The following AGBL3 variants were observed in gnomAD, a reference collection of about 807,000 sequenced individuals.
The protein encoded by AGBL3 is AGBL carboxypeptidase 3.
A neutral mutation model predicts 94.5 loss-of-function variants in AGBL3; 68 were observed. The observed-to-expected ratio is 0.72, with a 90% CI of 0.59 to 0.88. The LOEUF is 0.88. AGBL3 is among the 40% of genes least tolerant of loss of function. The pLI, the probability that AGBL3 is intolerant of heterozygous loss-of-function variation, is 0.00. For synonymous variants in AGBL3, 354 were observed against 370.7 expected (o/e 0.95, Z 0.52); for missense variants, 934 against 1,103.8 (o/e 0.85, Z 2.18).
chr7:135,123,963 C>T (rs1191405594), intron 16 of AGBL3, among the ~76,000 whole-genome samples: 1 of 152,124 alleles, frequency 6.6e-6, no homozygotes, highest in East Asian at 1.9e-4. Flanking sequence ...AGACCAATGA[C>T]ACTATGAAGA....
intron 15 of AGBL3, among the ~76,000 whole-genome samples, chr7:135,086,906 A>T (rs1332737932): frequency 6.6e-6 from 1 of 152,030 alleles, no homozygotes; most frequent in East Asian, 1.9e-4. Context: ...TTTCTAAAAG[A>T]GTTTGAGAAG....
chr7:135,128,182 C>A (rs1828165378), intron 16 of AGBL3, among the ~76,000 whole-genome samples: 1 of 149,298 alleles, frequency 6.7e-6, no homozygotes, highest in African/African-American at 2.5e-5. Context: ...GTCCCAGCTA[C>A]TCGGGAGGCT....
At chr7:135,105,990 T>C (rs976155445) in intron 15 of AGBL3, among the ~76,000 whole-genome samples, 3 of 152,184 alleles carry the variant, frequency 2.0e-5, no homozygotes, top group Admixed American at 2.0e-4. Flanking sequence ...TTTATTCTTC[T>C]TGTGGCTATT....
chr7:135,024,961 ATG>A (rs2116336842), intron 5 of AGBL3, among the ~76,000 whole-genome samples: 1 of 151,748 alleles, frequency 6.6e-6, no homozygotes, highest in African/African-American at 2.4e-5. Flanking sequence ...TTTGAGAAAT[ATG>A]AGATTATGTA....
At chr7:135,070,672 A>T (rs1290059168) in intron 12 of AGBL3, among the ~76,000 whole-genome samples, 2 of 152,106 alleles carry the variant, frequency 1.3e-5, no homozygotes, top group Non-Finnish European at 2.9e-5. Context: ...ACAAAATTCG[A>T]CAATGCTTCA....
intron 16 of AGBL3, 153 bp downstream of exon 16, chr7:135,115,764 G>A: frequency 1.7e-6 from 1 of 595,950 alleles, no homozygotes; most frequent in Non-Finnish European, 2.9e-6. Flanking sequence ...ACCCAAAGCT[G>A]TCAGAAAACA....
At chr7:135,045,954 T>C (rs1347467332) in intron 11 of AGBL3, 43 bp downstream of exon 11, 9 of 1,253,024 alleles carry the variant, frequency 7.2e-6, no homozygotes, top group Admixed American at 6.7e-5. Flanking sequence ...TTGTGCTGTT[T>C]TACTATGTTC....
intron 4 of AGBL3, among the ~76,000 whole-genome samples, chr7:135,006,660 C>G: frequency 6.6e-6 from 1 of 151,884 alleles, no homozygotes; most frequent in Non-Finnish European, 1.5e-5. Flanking sequence ...AGTGGCTCCT[C>G]AGCACAACTT....
At chr7:135,046,748 A>T (rs1449310980) in intron 11 of AGBL3, among the ~76,000 whole-genome samples, 1 of 152,022 alleles carries the variant, frequency 6.6e-6, no homozygotes, top group Non-Finnish European at 1.5e-5. Flanking sequence ...GTTGCCTCCA[A>T]GTTTTGGCAA....
chr7:135,031,583 T>A (rs529116201), intron 5 of AGBL3, among the ~76,000 whole-genome samples: 1 of 152,202 alleles, frequency 6.6e-6, no homozygotes, highest in South Asian at 2.1e-4. Flanking sequence ...AAACATTACG[T>A]TGAATTTTGT....
intron 4 of AGBL3, among the ~76,000 whole-genome samples, chr7:135,009,132 C>T (rs1187260145): frequency 6.6e-6 from 1 of 152,084 alleles, no homozygotes; most frequent in African/African-American, 2.4e-5. Context: ...TAGGTATGTA[C>T]CCAAGAGAAA....
intron 4 of AGBL3, among the ~76,000 whole-genome samples, chr7:135,009,366 A>G (rs987456085): frequency 8.5e-5 from 13 of 152,220 alleles, no homozygotes; most frequent in Non-Finnish European, 1.3e-4. Context: ...TGAGTGATAG[A>G]AGCCAGACAC....
At chr7:135,034,026 T>G in intron 6 of AGBL3, 123 bp from the exon 7 acceptor site, 1 of 916,308 alleles carries the variant, frequency 1.1e-6, no homozygotes, top group Non-Finnish European at 1.5e-6. Context: ...TAACAAAGCT[T>G]TCTGTGAATG....
chr7:135,059,308 G>T (rs1336039947), intron 12 of AGBL3, 73 bp downstream of exon 12: 8 of 1,009,524 alleles, frequency 7.9e-6, no homozygotes, highest in East Asian at 3.0e-5. Context: ...TAATAATCAG[G>T]CAAAAAAAAT....
intron 3 of AGBL3, among the ~76,000 whole-genome samples, chr7:134,991,514 C>A (rs1325839243): frequency 6.6e-6 from 1 of 152,078 alleles, no homozygotes; most frequent in East Asian, 1.9e-4. Context: ...ACTGACCACC[C>A]CACCATGTTC....
At chr7:135,000,425 G>T (rs1323387589) in intron 4 of AGBL3, among the ~76,000 whole-genome samples, 1 of 152,136 alleles carries the variant, frequency 6.6e-6, no homozygotes, top group South Asian at 2.1e-4. Flanking sequence ...CAAAAGGATG[G>T]AGGAAGGGTG....
chr7:135,081,803 G>T lies in AGBL3; in HGVS notation c.2110+13G>T. On this transcript the variant is annotated intron_variant, in intron 15 of 16. Transcript: ENST00000436302. ...AATCAAGGTTTGGGTGAGTAAAATA[G>T]GAACACAGACAGTAATGAGTGGTCC... 1 of 1,503,620 alleles carries T rather than the reference G, an allele frequency of 6.7e-7. No homozygotes were observed. The highest frequency in any genetic ancestry group is 9.0e-7 in the Non-Finnish European group (1 of 1,108,248). The allele number at this position is 1,503,620 out of a possible 1,614,324, so 93.1% of individuals were successfully genotyped here.
At chr7:135,094,760 C>T (rs1822399514) in intron 15 of AGBL3, among the ~76,000 whole-genome samples, 1 of 152,078 alleles carries the variant, frequency 6.6e-6, no homozygotes. Context: ...GACCATACCA[C>T]CCAAGAGGAG....
chr7:134,986,929 C>T (rs764453106), intron 1 of AGBL3, among the ~76,000 whole-genome samples: 4 of 152,264 alleles, frequency 2.6e-5, no homozygotes, highest in Non-Finnish European at 4.4e-5. Flanking sequence ...AAGACACCCG[C>T]GGAGCGCCGG....
Sources: allele counts gnomAD v4.1 joint callset (sites outside exome capture counted in the v4.1 genomes callset), GRCh38; gene constraint gnomAD v4.1.1; transcripts MANE v1.5; gene names NCBI Gene and HGNC (gene_info 2026-07-23, HGNC 2026-07-21).